The following ATXN7L1 variants were observed in gnomAD, a reference collection of about 807,000 sequenced individuals.
ATXN7L1 encodes the protein ataxin-7-like protein 1.
In ATXN7L1, 15 loss-of-function variants were observed where a neutral mutation model predicts 70.8. The ratio of observed to expected loss-of-function variants is 0.21; its 90% CI spans 0.14 to 0.33. The LOEUF (loss-of-function observed/expected upper bound fraction) is 0.33. Ranked by LOEUF, ATXN7L1 falls within the 10% of genes least tolerant of loss-of-function variation. The pLI is 1.00. For missense variants in ATXN7L1, 975 were observed against 1,097.1 expected, an observed-to-expected ratio of 0.89 and a Z score of 1.57; for synonymous variants, 440 against 445.1, an observed-to-expected ratio of 0.99 and a Z score of 0.14.
At chr7:105,805,165 G>A (rs1415125519) in intron 2 of ATXN7L1, among the ~76,000 whole-genome samples, 1 of 152,234 alleles carries the variant, frequency 6.6e-6, no homozygotes, top group Non-Finnish European at 1.5e-5. Flanking sequence ...GAATGGGATG[G>A]CATAAAGTGA....
chr7:105,753,562 C>T (rs1799452887), intron 3 of ATXN7L1, among the ~76,000 whole-genome samples: 1 of 152,178 alleles, frequency 6.6e-6, no homozygotes, highest in Non-Finnish European at 1.5e-5. Flanking sequence ...GAGATTGACA[C>T]AAGTGACTAA....
At chr7:105,754,891 G>A (rs1799624861) in intron 3 of ATXN7L1, among the ~76,000 whole-genome samples, 1 of 152,220 alleles carries the variant, frequency 6.6e-6, no homozygotes, top group African/African-American at 2.4e-5. Flanking sequence ...AATCTGGCCT[G>A]TTTCTTCCCA....
chr7:105,826,854 T>C (rs1239370163), intron 2 of ATXN7L1, among the ~76,000 whole-genome samples: 3 of 152,126 alleles, frequency 2.0e-5, no homozygotes, highest in African/African-American at 7.2e-5. Context: ...AGACTGGGGA[T>C]GAAAAATGAT....
At chr7:105,664,658 C>T (rs1802335020) in intron 4 of ATXN7L1, among the ~76,000 whole-genome samples, 1 of 150,920 alleles carries the variant, frequency 6.6e-6, no homozygotes, top group Non-Finnish European at 1.5e-5. Context: ...ACAACTCCGC[C>T]TCCCGGGTTC....
chr7:105,720,474 A>G (rs1795063969), intron 3 of ATXN7L1, among the ~76,000 whole-genome samples: 1 of 152,166 alleles, frequency 6.6e-6, no homozygotes, highest in Non-Finnish European at 1.5e-5. Context: ...ACAGCAGTGC[A>G]GTGTTGTGAT....
intron 3 of ATXN7L1, among the ~76,000 whole-genome samples, chr7:105,697,886 C>G (rs1219744695): frequency 6.6e-6 from 1 of 152,234 alleles, no homozygotes; most frequent in Non-Finnish European, 1.5e-5. Flanking sequence ...GGCCCTGTGC[C>G]CATGCCCTGG....
chr7:105,685,962 A>C (rs1341169070), intron 3 of ATXN7L1, among the ~76,000 whole-genome samples: 1 of 152,222 alleles, frequency 6.6e-6, no homozygotes, highest in Non-Finnish European at 1.5e-5. Flanking sequence ...GATCAAGGAT[A>C]TCCCACAGCA....
chr7:105,747,781 ATTGT>A, intron 3 of ATXN7L1, among the ~76,000 whole-genome samples: 1 of 152,250 alleles, frequency 6.6e-6, no homozygotes, highest in South Asian at 2.1e-4. Context: ...TGTGGAAGTG[ATTGT>A]TTGCTTGGTG....
At chr7:105,733,550 CCAT>C (rs1796866928) in intron 3 of ATXN7L1, among the ~76,000 whole-genome samples, 2 of 129,304 alleles carry the variant, frequency 1.5e-5, no homozygotes, top group African/African-American at 6.3e-5. Context: ...ACCCATCCAT[CCAT>C]CCACCCATCC....
chr7:105,727,777 T>TATATATATATACAC (rs1462125950), intron 3 of ATXN7L1, among the ~76,000 whole-genome samples: 1,123 of 89,930 alleles, frequency 0.012, 8 homozygotes, highest in East Asian at 0.017. Flanking sequence ...TATATATATA[T>TATATATATATACAC]ACACACACAT....
At chr7:105,859,840 T>G (rs1383249492) in intron 2 of ATXN7L1, among the ~76,000 whole-genome samples, 1 of 147,344 alleles carries the variant, frequency 6.8e-6, no homozygotes, top group Non-Finnish European at 1.5e-5. Flanking sequence ...TAGAGTGCAG[T>G]GGCACGATCT....
chr7:105,821,073 CTT>C (rs1810076076), intron 2 of ATXN7L1, among the ~76,000 whole-genome samples: 1 of 152,164 alleles, frequency 6.6e-6, no homozygotes, highest in Non-Finnish European at 1.5e-5. Flanking sequence ...GAGTTTTGCT[CTT>C]GTTGCCCAGG....
At chr7:105,876,045 G>A (rs1160179591) in intron 1 of ATXN7L1, among the ~76,000 whole-genome samples, 165 bp from the exon 2 acceptor site, 1 of 152,058 alleles carries the variant, frequency 6.6e-6, no homozygotes, top group Non-Finnish European at 1.5e-5. Flanking sequence ...CCCAAGTCTG[G>A]GTTTCCATCT....
intron 3 of ATXN7L1, among the ~76,000 whole-genome samples, chr7:105,771,168 C>T (rs1801940964): frequency 6.7e-6 from 1 of 150,044 alleles, no homozygotes; most frequent in Admixed American, 6.7e-5. Flanking sequence ...CCACTGCACT[C>T]CAGCCTGGGC....
At chr7:105,740,788 G>A (rs1797932470) in intron 3 of ATXN7L1, among the ~76,000 whole-genome samples, 1 of 41,678 alleles carries the variant, frequency 2.4e-5, no homozygotes, top group Non-Finnish European at 3.6e-5. Context: ...TTTTTTTAAT[G>A]GAGTCTCACT....
intron 3 of ATXN7L1, among the ~76,000 whole-genome samples, chr7:105,742,396 T>C (rs558078406): frequency 1.3e-5 from 2 of 152,338 alleles, no homozygotes; most frequent in Non-Finnish European, 2.9e-5. Context: ...TACCTCAAGC[T>C]TAACATATGT....
intron 10 of ATXN7L1, chr7:105,613,372 G>A: frequency 2.0e-6 from 1 of 508,712 alleles, no homozygotes; most frequent in Non-Finnish European, 2.6e-6. Flanking sequence ...CGGGAGCCGG[G>A]CACAGGCGCT....
rs546955510 is a variant in ATXN7L1, at chr7:105,750,856, G to A, written c.355+37748C>T. Among the ~76,000 whole-genome samples the A allele has an allele frequency of 3.3e-5, 5 of 152,114 alleles. No individual in the cohort carries two copies. In the South Asian group the frequency reaches 1.0e-3, roughly 32 times the overall value. On this transcript the variant is annotated intron_variant, in intron 3 of 11. Transcript: ENST00000419735. ...TTTATCAATCACTCCTTTGGCAAGC[G>A]GCTTTTCCTTTTCCTCAGTTTGCAT...
At chr7:105,634,844 C>T (rs1052056855) in intron 7 of ATXN7L1, among the ~76,000 whole-genome samples, 5 of 151,756 alleles carry the variant, frequency 3.3e-5, no homozygotes, top group African/African-American at 4.8e-5. Context: ...TTTGGAGAGG[C>T]CAAGGCAAGA....
Sources: allele counts gnomAD v4.1 joint callset (sites outside exome capture counted in the v4.1 genomes callset), GRCh38; gene constraint gnomAD v4.1.1; transcripts MANE v1.5; gene names NCBI Gene and HGNC (gene_info 2026-07-23, HGNC 2026-07-21).